Variants in CD96 observed in about 807,000 individuals in gnomAD.
The protein encoded by CD96 is T-cell surface protein tactile.
CD96 carries 70 observed loss-of-function variants against 71.3 expected under a neutral mutation model. The ratio of observed to expected loss-of-function variants is 0.98; its 90% CI spans 0.81 to 1.20. The LOEUF (loss-of-function observed/expected upper bound fraction) is 1.20. Among genes scored for constraint, CD96 ranks in the 50% most tolerant of loss-of-function variants. CD96 has a pLI of 0.00. For missense variants in CD96, 742 were observed against 677.5 expected (o/e 1.10, Z -1.06); for synonymous variants, 248 against 233.0 (o/e 1.06, Z -0.59).
intron 5 of CD96, among the ~76,000 whole-genome samples, chr3:111,596,704 C>G (rs1937276780): frequency 6.6e-6 from 1 of 152,164 alleles, no homozygotes; most frequent in African/African-American, 2.4e-5. Context: ...AAAAATCAAT[C>G]TTTGGCATCT....
intron 5 of CD96, among the ~76,000 whole-genome samples, chr3:111,591,212 A>C (rs1215548452): frequency 6.6e-6 from 1 of 152,052 alleles, no homozygotes; most frequent in Non-Finnish European, 1.5e-5. Flanking sequence ...GTCTGTGCTA[A>C]AAATACAAAA....
At position 111,555,628 on chromosome 3, in the gene CD96, G is replaced by A. The variant is rs538703173; in HGVS notation, c.418+10226G>A. ...TTGTTTGTTTGGTTGGTTGGTTTTT[G>A]CTCCTTTCAATTGCTACTTTTATAA... On this transcript the variant is annotated intron_variant, in intron 2 of 13. Transcript: ENST00000352690. 3.9e-5 allele frequency among the ~76,000 whole-genome samples: 6 copies of A among 152,406 alleles called. No individual in the cohort carries two copies. In the East Asian group the frequency reaches 1.2e-3, roughly 29 times the overall value.
In CD96 at chr3:111,651,236, G is replaced by C. The variant is rs1005386238; in HGVS notation, c.*1430G>C. On this transcript the variant is annotated 3_prime_UTR_variant, in exon 14 of 14. Coordinates refer to ENST00000352690, the MANE Select transcript of CD96 (RefSeq NM_005816.5). ...AGGTGCTTAACTCTTGTGGTGGCCA[G>C]CCTCCAAGATGAGCCCCAGTGTTCT... 6.6e-6 allele frequency: 1 copy of C among 152,236 alleles called. No homozygotes were observed. Among genetic ancestry groups the C allele is most frequent in the Admixed American group, 6.5e-5 (1 of 15,278 alleles). 9.4% of individuals were successfully genotyped at this position (152,236 alleles called of 1,614,324 possible). A position where few individuals can be genotyped will look rare whatever the true frequency, so the allele number is the denominator to read the frequency against.
In CD96 at chr3:111,585,376, G is replaced by A. The variant is rs750693305; in HGVS notation, c.805G>A (p.Glu269Lys). Residue 269 changes from glutamate (E) to lysine (K), a missense_variant and splice_region_variant, in exon 5 of 14, where the codon GAG (glutamate) becomes AAG (lysine). Glu to Lys is a moderately conservative substitution (Grantham distance 56). Coordinates refer to ENST00000352690, the MANE Select transcript of CD96 (RefSeq NM_005816.5). ...VENNSTDVLV[E>K]RRFTCLLKNV... ...AAATAACTCCACGGATGTCTTGGTAGAGGTGAGTCACATAAAAGCCTTTGA... is the reference window on the plus strand; with the variant it reads ...AAATAACTCCACGGATGTCTTGGTAAAGGTGAGTCACATAAAAGCCTTTGA... 19 of 1,598,916 alleles carry A rather than the reference G, an allele frequency of 1.2e-5. 1 individual carries two copies. The South Asian group carries it at 1.3e-4, about 11-fold the overall frequency.
chr3:111,602,285 T>C (rs1286132495), intron 7 of CD96, among the ~76,000 whole-genome samples: 2 of 152,154 alleles, frequency 1.3e-5, no homozygotes, highest in Non-Finnish European at 1.5e-5. Flanking sequence ...ACTAATATTT[T>C]CTGATGTTAA....
chr3:111,663,803 C>T (rs1940413661), intron 14 of CD96, among the ~76,000 whole-genome samples: 1 of 148,984 alleles, frequency 6.7e-6, no homozygotes, highest in Non-Finnish European at 1.5e-5. Flanking sequence ...GGCTGGAGTG[C>T]AGTAGTGCTA....
intron 7 of CD96, among the ~76,000 whole-genome samples, chr3:111,602,013 T>A (rs1040652434): frequency 1.3e-5 from 2 of 152,176 alleles, no homozygotes; most frequent in African/African-American, 4.8e-5. Context: ...GTACTTTGAG[T>A]TAATCATTCA....
chr3:111,543,480 T>C (rs1934213937), intron 1 of CD96, among the ~76,000 whole-genome samples: 1 of 152,158 alleles, frequency 6.6e-6, no homozygotes, highest in Non-Finnish European at 1.5e-5. Context: ...TTTCAATCCT[T>C]GTATATTGAA....
At chr3:111,624,292 T>G in intron 9 of CD96, 41 bp from the exon 10 acceptor site, 1 of 1,374,006 alleles carries the variant, frequency 7.3e-7, no homozygotes, top group Non-Finnish European at 1.0e-6. Flanking sequence ...AATTACAGCT[T>G]TCGAAAAAAG....
chr3:111,587,246 G>A (rs929911240), intron 5 of CD96, among the ~76,000 whole-genome samples: 2 of 152,216 alleles, frequency 1.3e-5, no homozygotes, highest in Admixed American at 1.3e-4. Flanking sequence ...GGCTTTGCAG[G>A]GTATAACTCC....
intron 2 of CD96, among the ~76,000 whole-genome samples, chr3:111,550,226 A>G (rs1271863354): frequency 6.6e-6 from 1 of 152,286 alleles, no homozygotes; most frequent in Admixed American, 6.5e-5. Flanking sequence ...AGTTTTTTTT[A>G]TCACCTAACA....
chr3:111,581,256 G>C (rs371139422), intron 4 of CD96, among the ~76,000 whole-genome samples: 2 of 152,006 alleles, frequency 1.3e-5, no homozygotes, highest in African/African-American at 4.8e-5. Flanking sequence ...TAGTAAATTG[G>C]CTGGGCGGGT....
In CD96 at chr3:111,638,059, T is replaced by C. The variant is rs576527527; in HGVS notation, c.1388-20T>C. On this transcript the variant is annotated intron_variant, in intron 11 of 13. Transcript: ENST00000352690. The stretch of plus-strand genomic sequence containing the variant: ...ATCAAGTTGAGATGTCTTGTCCAGA[T>C]ATCCCCTTTATATCCCTAGACAATG... The C allele has an allele frequency of 5.8e-6, 8 of 1,378,030 alleles. No homozygotes were observed. The highest frequency in any genetic ancestry group is 1.7e-5 in the Admixed American group (1 of 59,692). The allele number at this position is 1,378,030 out of a possible 1,614,324, so 85.4% of individuals were successfully genotyped here. A position where few individuals can be genotyped will look rare whatever the true frequency, so the allele number is the denominator to read the frequency against.
Position 111,542,218 on chromosome 3 carries a change from A to G in CD96, c.-31A>G, listed in dbSNP as rs1934128042. 6.2e-7 allele frequency: 1 copy of G among 1,600,932 alleles called. No individual in the cohort carries two copies. The highest frequency in any genetic ancestry group is 1.3e-5 in the African/African-American group (1 of 74,730). ...CATCAATTGACTTTGTGATCATTAC[A>G]GAAATGCTGGTGTAAGGTGTTCAGA... On this transcript the variant is annotated 5_prime_UTR_variant, in exon 1 of 14. Coordinates refer to ENST00000352690, the MANE Select transcript of CD96 (RefSeq NM_005816.5).
intron 5 of CD96, among the ~76,000 whole-genome samples, chr3:111,595,960 G>A (rs1284960901): frequency 3.3e-5 from 5 of 151,930 alleles, no homozygotes; most frequent in Non-Finnish European, 5.9e-5. Context: ...TCAGGAGATC[G>A]TGGCCAGCTT....
intron 5 of CD96, among the ~76,000 whole-genome samples, chr3:111,597,670 A>G (rs1307435133): frequency 6.6e-6 from 1 of 152,242 alleles, no homozygotes; most frequent in African/African-American, 2.4e-5. Flanking sequence ...GATTGTTACA[A>G]ATAGTGTCGT....
intron 12 of CD96, among the ~76,000 whole-genome samples, chr3:111,640,597 C>G (rs1470889768): frequency 6.6e-6 from 1 of 152,154 alleles, no homozygotes; most frequent in African/African-American, 2.4e-5. Context: ...TCCCCAGCCT[C>G]GTGACAGCCC....
At chr3:111,543,806 T>A (rs561846386) in intron 1 of CD96, among the ~76,000 whole-genome samples, 10 of 152,322 alleles carry the variant, frequency 6.6e-5, no homozygotes, top group Non-Finnish European at 1.3e-4. Context: ...AGCTTCAAGA[T>A]TGACTGGTTA....
chr3:111,588,953 TC>T (rs1397464262), intron 5 of CD96, among the ~76,000 whole-genome samples: 24 of 148,702 alleles, frequency 1.6e-4, no homozygotes, highest in South Asian at 8.5e-4. Flanking sequence ...TCTTTTTTTT[TC>T]TTTTTTTTTT....
Sources: gnomAD v4.1 joint callset for allele counts (sites outside exome capture counted in the v4.1 genomes callset) on GRCh38, gnomAD v4.1.1 for gene constraint, MANE v1.5 for transcripts, NCBI Gene and HGNC (gene_info 2026-07-23, HGNC 2026-07-21) for gene names.